CDH20: variants seen among roughly 807,000 people sequenced by gnomAD.
CDH20 encodes cadherin-20.
A neutral mutation model predicts 74.2 loss-of-function variants in CDH20; 29 were observed. That is an observed-to-expected ratio of 0.39 (90% CI 0.29 to 0.53). CDH20 has a LOEUF of 0.53. Ranked by LOEUF, CDH20 falls within the 20% of genes least tolerant of loss-of-function variation. CDH20 has a pLI of 0.69. For synonymous variants in CDH20, 469 were observed against 405.4 expected (o/e 1.16, Z -1.88); for missense variants, 988 against 1,048.3 (o/e 0.94, Z 0.79).
chr18:61,518,708 C>G (rs1395983939), intron 6 of CDH20, among the ~76,000 whole-genome samples: 1 of 151,290 alleles, frequency 6.6e-6, no homozygotes, highest in Non-Finnish European at 1.5e-5. Flanking sequence ...CAGAATGCCT[C>G]TTCTTCTCCA....
At chr18:61,471,343 A>G (rs80131843) in intron 1 of CDH20, among the ~76,000 whole-genome samples, 4,214 of 152,344 alleles carry the variant, frequency 0.028, 198 homozygotes, top group African/African-American at 0.097. Context: ...CTAGGAAAAC[A>G]GTTGACAAGA....
chr18:61,405,136 T>A (rs1274013765), intron 1 of CDH20: 5 of 621,986 alleles, frequency 8.0e-6, no homozygotes, highest in Non-Finnish European at 1.2e-5. Context: ...TGCTTCTCAC[T>A]TTTTATAACA....
chr18:61,416,030 A>G (rs1912671194), intron 1 of CDH20, among the ~76,000 whole-genome samples: 3 of 138,596 alleles, frequency 2.2e-5, no homozygotes, highest in Non-Finnish European at 3.2e-5. Context: ...TACTAACACA[A>G]TGTTCCAAGA....
Position 61,544,224 on chromosome 18 carries a change from G to C in CDH20, c.1531-803G>C, listed in dbSNP as rs374739217. 3.6e-4 allele frequency among the ~76,000 whole-genome samples: 55 copies of C among 152,326 alleles called. 1 individual carries two copies. The East Asian group carries it at 8.5e-3, about 24-fold the overall frequency. On this transcript the variant is annotated intron_variant, in intron 9 of 11. Transcript: ENST00000262717. ...AAACCCCTAGGGGAAGCATGCAGAC[G>C]GGCAGGTGCAGAAGCCATGGGGAGC...
intron 3 of CDH20, among the ~76,000 whole-genome samples, chr18:61,499,813 G>A (rs961185320): frequency 2.0e-5 from 3 of 152,100 alleles, no homozygotes; most frequent in Non-Finnish European, 4.4e-5. Context: ...AGAGCAATAG[G>A]GTTAGGCGCG....
chr18:61,443,554 G>A (rs1909100339), intron 1 of CDH20, among the ~76,000 whole-genome samples: 1 of 152,112 alleles, frequency 6.6e-6, no homozygotes, highest in Admixed American at 6.6e-5. Flanking sequence ...CTCAGAGTGT[G>A]GCCCTCGGAC....
intron 1 of CDH20, among the ~76,000 whole-genome samples, chr18:61,435,916 A>G (rs980829870): frequency 4.6e-5 from 7 of 152,040 alleles, no homozygotes. Flanking sequence ...CACATTGACC[A>G]TCGCTCCCCC....
chr18:61,516,076 T>A (rs576402940), intron 6 of CDH20, among the ~76,000 whole-genome samples: 1 of 152,342 alleles, frequency 6.6e-6, no homozygotes, highest in East Asian at 1.9e-4. Flanking sequence ...CTTAGAAAGA[T>A]CCCTTTGCCT....
intron 1 of CDH20, among the ~76,000 whole-genome samples, chr18:61,402,874 G>A (rs1458819041): frequency 6.6e-6 from 1 of 152,146 alleles, no homozygotes; most frequent in African/African-American, 2.4e-5. Context: ...ATGTTATCGT[G>A]CATTCTGAAG....
chr18:61,418,797 A>T (rs1237146815), intron 1 of CDH20, among the ~76,000 whole-genome samples: 1 of 151,930 alleles, frequency 6.6e-6, no homozygotes, highest in Non-Finnish European at 1.5e-5. Flanking sequence ...GAGCCCTTTG[A>T]CTCACCCTTA....
intron 1 of CDH20, among the ~76,000 whole-genome samples, chr18:61,423,564 C>G (rs1173769280): frequency 6.6e-6 from 1 of 152,094 alleles, no homozygotes; most frequent in African/African-American, 2.4e-5. Flanking sequence ...CTGACTCTCT[C>G]TGGAAATTTC....
chr18:61,416,751 G>A lies in CDH20; in HGVS notation c.-152-73651G>A, dbSNP rs142197089. ...GGTGCAAGGAAGGCTAGGCCTTACA[G>A]CCTTTTAGCTGGTACACTGCCACTA... On this transcript the variant is annotated intron_variant, in intron 1 of 11. Transcript: ENST00000262717. Among the ~76,000 whole-genome samples, 8 of 152,342 alleles carry A rather than the reference G, an allele frequency of 5.3e-5. No individual in the cohort carries two copies. The East Asian group carries it at 1.2e-3, about 22-fold the overall frequency.
intron 1 of CDH20, among the ~76,000 whole-genome samples, chr18:61,349,552 A>G (rs958140306): frequency 1.3e-4 from 20 of 152,118 alleles, no homozygotes; most frequent in African/African-American, 4.8e-4. Context: ...GTTGGCATGA[A>G]CTTTTTAAAG....
At chr18:61,538,582 T>G (rs7244458) in intron 8 of CDH20, among the ~76,000 whole-genome samples, 13,919 of 23,038 alleles carry the variant, frequency 0.6, 3,317 homozygotes, top group Middle Eastern at 0.68. Context: ...TAACTACTTT[T>G]TGTTTGTTTG....
chr18:61,448,940 A>G (rs777971782), intron 1 of CDH20, among the ~76,000 whole-genome samples: 1 of 152,240 alleles, frequency 6.6e-6, no homozygotes, highest in Non-Finnish European at 1.5e-5. Context: ...CTGAGAAATG[A>G]AAGCATATAT....
At chr18:61,549,388 T>C (rs1913356491) in intron 10 of CDH20, among the ~76,000 whole-genome samples, 1 of 152,244 alleles carries the variant, frequency 6.6e-6, no homozygotes, top group Non-Finnish European at 1.5e-5. Flanking sequence ...AGGTGTGTCA[T>C]ATGATTAGGG....
At chr18:61,440,759 T>A (rs1023221234) in intron 1 of CDH20, among the ~76,000 whole-genome samples, 1 of 152,146 alleles carries the variant, frequency 6.6e-6, no homozygotes, top group Non-Finnish European at 1.5e-5. Flanking sequence ...CCAGGCTTGT[T>A]CTCATGGTGT....
At chr18:61,541,208 T>C (rs1218652275) in intron 9 of CDH20, among the ~76,000 whole-genome samples, 2 of 152,224 alleles carry the variant, frequency 1.3e-5, no homozygotes, top group East Asian at 3.9e-4. Context: ...AAAAATAGTA[T>C]AATTACTGTG....
intron 1 of CDH20, among the ~76,000 whole-genome samples, chr18:61,402,775 T>G (rs1350597064): frequency 6.6e-6 from 1 of 152,180 alleles, no homozygotes; most frequent in Non-Finnish European, 1.5e-5. Context: ...ATCTATCCCC[T>G]GGGCTGGGGT....
Sources: gnomAD v4.1 joint callset for allele counts (sites outside exome capture counted in the v4.1 genomes callset) on GRCh38, gnomAD v4.1.1 for gene constraint, MANE v1.5 for transcripts, NCBI Gene and HGNC (gene_info 2026-07-23, HGNC 2026-07-21) for gene names.